The following TMEM135 variants were observed in gnomAD, a reference collection of about 807,000 sequenced individuals.
TMEM135 encodes the protein peroxisomal membrane protein 52.
A neutral mutation model predicts 60.3 loss-of-function variants in TMEM135; 30 were observed. The observed-to-expected ratio is 0.50, with a 90% CI of 0.37 to 0.68. The LOEUF is 0.68. Ranked by LOEUF, TMEM135 falls within the 30% of genes least tolerant of loss-of-function variation. The probability of loss-of-function intolerance (pLI) is 0.00; values close to 1 mark genes in which losing one functional copy is unlikely to be tolerated. For synonymous variants in TMEM135, 190 were observed against 186.7 expected (o/e 1.02, Z -0.14); for missense variants, 468 against 548.8 (o/e 0.85, Z 1.47).
chr11:87,252,966 G>A (rs1363176691), intron 6 of TMEM135, among the ~76,000 whole-genome samples: 5 of 151,992 alleles, frequency 3.3e-5, no homozygotes, highest in Non-Finnish European at 7.4e-5. Flanking sequence ...ATGAGAAGAA[G>A]TATTGAGATT....
At chr11:87,311,230 A>G (rs1014087460) in intron 10 of TMEM135, among the ~76,000 whole-genome samples, 1 of 151,784 alleles carries the variant, frequency 6.6e-6, no homozygotes, top group African/African-American at 2.4e-5. Flanking sequence ...GTTTTCTGTA[A>G]AAATTTACTC....
intron 2 of TMEM135, among the ~76,000 whole-genome samples, chr11:87,069,659 G>A (rs983805230): frequency 6.6e-6 from 1 of 152,104 alleles, no homozygotes; most frequent in Admixed American, 6.6e-5. Context: ...TTTGAAATTT[G>A]AACTTAGAAT....
rs779652162 is a variant in TMEM135 at position 87,328,526 on chromosome 11, A to G, written c.*7193A>G. 8.8e-6 allele frequency: 4 copies of G among 453,936 alleles called. No individual in the cohort carries two copies. Among genetic ancestry groups the G allele is most frequent in the Non-Finnish European group, 1.8e-5 (4 of 226,790 alleles). 28.1% of individuals were successfully genotyped at this position (453,936 alleles called of 1,614,324 possible). A position where few individuals can be genotyped will look rare whatever the true frequency, so the allele number is the denominator to read the frequency against. On this transcript the variant is annotated 3_prime_UTR_variant, in exon 15 of 15. Coordinates refer to ENST00000305494, the MANE Select transcript of TMEM135 (RefSeq NM_022918.4). Reference sequence around the variant, plus strand: ...TTCCCCTTCTGAGTCTCCATAGTCCATTATATCACTCTGTATACCCTTGTG... The same window carrying G: ...TTCCCCTTCTGAGTCTCCATAGTCCGTTATATCACTCTGTATACCCTTGTG...
At chr11:87,182,706 T>G in intron 5 of TMEM135, among the ~76,000 whole-genome samples, 1 of 152,122 alleles carries the variant, frequency 6.6e-6, no homozygotes, top group Non-Finnish European at 1.5e-5. Flanking sequence ...TCTAGAAAAT[T>G]TTTGTGTTTT....
At chr11:87,188,793 T>C (rs1354734343) in intron 5 of TMEM135, among the ~76,000 whole-genome samples, 1 of 151,306 alleles carries the variant, frequency 6.6e-6, no homozygotes, top group Non-Finnish European at 1.5e-5. Context: ...AAAAAACGAG[T>C]ATCCCTGTTT....
rs142656978 is a variant in TMEM135 at position 87,319,213 on chromosome 11, A to G, written c.1177-97A>G. The G allele has an allele frequency of 7.4e-3, 7,882 of 1,059,452 alleles. 60 individuals are homozygous for G. The highest frequency in any genetic ancestry group is 0.028 in the Middle Eastern group (122 of 4,310). 65.6% of individuals were successfully genotyped at this position (1,059,452 alleles called of 1,614,324 possible). On this transcript the variant is annotated intron_variant, in intron 13 of 14. Coordinates refer to ENST00000305494, the MANE Select transcript of TMEM135 (RefSeq NM_022918.4). ...GAAGGCATATTTACAAAAATTCTTG[A>G]TAGTTACCAACTTAAACATCAATAC...
intron 6 of TMEM135, among the ~76,000 whole-genome samples, chr11:87,237,731 T>C (rs932954736): frequency 9.9e-5 from 15 of 151,980 alleles, no homozygotes; most frequent in African/African-American, 3.6e-4. Context: ...TTATTGACTA[T>C]AGTCACCCTG....
rs750039150 is a variant in TMEM135, at chr11:87,068,532, C to T, written c.269+711C>T. ...TGCAATTAAAAGTATAATTTCTGAC[C>T]GGGCGCGGTGGCTCACGCCTGTAAT... On this transcript the variant is annotated intron_variant, in intron 2 of 14. Coordinates refer to ENST00000305494, the MANE Select transcript of TMEM135 (RefSeq NM_022918.4). 3.9e-5 allele frequency among the ~76,000 whole-genome samples: 6 copies of T among 152,210 alleles called. No individual in the cohort carries two copies. In the South Asian group the frequency reaches 6.2e-4, roughly 16 times the overall value.
intron 6 of TMEM135, among the ~76,000 whole-genome samples, chr11:87,258,316 G>A (rs1941572020): frequency 6.6e-6 from 1 of 151,836 alleles, no homozygotes; most frequent in Non-Finnish European, 1.5e-5. Flanking sequence ...ATGAGCTCCT[G>A]CTCTGTCTTC....
intron 1 of TMEM135, among the ~76,000 whole-genome samples, chr11:87,058,703 C>G (rs1352443029): frequency 6.6e-6 from 1 of 151,546 alleles, no homozygotes. Context: ...CACTGCAAGC[C>G]CCACCTCCTG....
At chr11:87,061,237 A>T (rs890646316) in intron 1 of TMEM135, among the ~76,000 whole-genome samples, 4 of 152,176 alleles carry the variant, frequency 2.6e-5, no homozygotes, top group Non-Finnish European at 1.5e-5. Flanking sequence ...AGTTGTTCTT[A>T]CTCAATAAGG....
chr11:87,293,587 A>G (rs1942303160), intron 6 of TMEM135, among the ~76,000 whole-genome samples: 1 of 151,846 alleles, frequency 6.6e-6, no homozygotes. Flanking sequence ...TTCAACTCCT[A>G]CTTGTGAGTG....
chr11:87,278,770 A>G (rs1366053894), intron 6 of TMEM135, among the ~76,000 whole-genome samples: 4 of 151,884 alleles, frequency 2.6e-5, no homozygotes, highest in Non-Finnish European at 5.9e-5. Flanking sequence ...TGACAAATGT[A>G]ACCACCCCCA....
rs186868127 is a variant in TMEM135 at position 87,322,182 on chromosome 11, A to G, written c.*849A>G. The G allele has an allele frequency of 6.6e-6, 3 of 454,444 alleles. No individual in the cohort carries two copies. The East Asian group carries it at 2.1e-4, about 32-fold the overall frequency. The allele number at this position is 454,444 out of a possible 1,614,324, so 28.2% of individuals were successfully genotyped here. A position where few individuals can be genotyped will look rare whatever the true frequency, so the allele number is the denominator to read the frequency against. On this transcript the variant is annotated 3_prime_UTR_variant, in exon 15 of 15. Coordinates refer to ENST00000305494, the MANE Select transcript of TMEM135 (RefSeq NM_022918.4). ...GTTTGTTTTCATTTATATGGACATA[A>G]TCCTTCATAGCTCAGTTTATATGCC...
chr11:87,057,251 G>T lies in TMEM135; in HGVS notation c.142-10443G>T, dbSNP rs143119334. On this transcript the variant is annotated intron_variant, in intron 1 of 14. Coordinates refer to ENST00000305494, the MANE Select transcript of TMEM135 (RefSeq NM_022918.4). ...AAAATTTGAAAATGTAGGAGAGGAA[G>T]GCTATTACAGGTAAGGTATGTAAGG... is the stretch of plus-strand genomic sequence containing the variant. 1.5e-3 allele frequency among the ~76,000 whole-genome samples: 225 copies of T among 152,224 alleles called. 1 individual carries two copies. Among genetic ancestry groups the T allele is most frequent in the African/African-American group, 4.9e-3 (202 of 41,526 alleles).
In TMEM135 at chr11:87,321,574, A is replaced by G; in HGVS notation, c.*241A>G. 1.6e-6 allele frequency: 1 copy of G among 643,572 alleles called. No homozygotes were observed. The highest frequency in any genetic ancestry group is 3.2e-5 in the East Asian group (1 of 31,608). The allele number at this position is 643,572 out of a possible 1,614,324, so 39.9% of individuals were successfully genotyped here. A position where few individuals can be genotyped will look rare whatever the true frequency, so the allele number is the denominator to read the frequency against. On this transcript the variant is annotated 3_prime_UTR_variant, in exon 15 of 15. Coordinates refer to ENST00000305494, the MANE Select transcript of TMEM135 (RefSeq NM_022918.4). ...CTGGATCACTGTAGTGACTGACATT[A>G]TATATTATTGATCAAATTATGTCCA...
At chr11:87,038,932 T>C (rs1241189911) in intron 1 of TMEM135, among the ~76,000 whole-genome samples, 1 of 152,210 alleles carries the variant, frequency 6.6e-6, no homozygotes, top group African/African-American at 2.4e-5. Context: ...TTAAAGATGC[T>C]CTTAAATGTT....
chr11:87,246,186 G>C (rs10160650), intron 6 of TMEM135, among the ~76,000 whole-genome samples: 79,430 of 126,032 alleles, frequency 0.63, 26,115 homozygotes, highest in Non-Finnish European at 0.7. Flanking sequence ...GGCCCCCACT[G>C]TCTTCTGGCT....
In TMEM135 at chr11:87,327,890, T is replaced by C. The variant is rs1942937356; in HGVS notation, c.*6557T>C. 2 of 453,862 alleles carry C rather than the reference T, an allele frequency of 4.4e-6. No individual in the cohort carries two copies. The highest frequency in any genetic ancestry group is 2.4e-5 in the Admixed American group (1 of 42,544). 28.1% of individuals were successfully genotyped at this position (453,862 alleles called of 1,614,324 possible). A position where few individuals can be genotyped will look rare whatever the true frequency, so the allele number is the denominator to read the frequency against. On this transcript the variant is annotated 3_prime_UTR_variant, in exon 15 of 15. Coordinates refer to ENST00000305494, the MANE Select transcript of TMEM135 (RefSeq NM_022918.4). ...GCAGGGGAGAGAGAGAAGCCAATTC[T>C]CCTTTCTTCTGTTTTTATTCTACCC...
Sources: allele counts gnomAD v4.1 joint callset (sites outside exome capture counted in the v4.1 genomes callset), GRCh38; gene constraint gnomAD v4.1.1; transcripts MANE v1.5; gene names NCBI Gene and HGNC (gene_info 2026-07-23, HGNC 2026-07-21).